The following SOBP variants were observed in gnomAD, a reference collection of about 807,000 sequenced individuals.
SOBP encodes sine oculis-binding protein homolog.
Under a neutral mutation model 53.6 loss-of-function variants are expected in SOBP, and 4 were observed. The ratio of observed to expected loss-of-function variants is 0.07; its 90% confidence interval spans 0.04 to 0.17. SOBP has a LOEUF of 0.17. SOBP is among the 10% of genes least tolerant of loss of function. The pLI is 1.00. For synonymous variants in SOBP, 584 were observed against 522.6 expected, an observed-to-expected ratio of 1.12 and a Z score of -1.60; for missense variants, 1,088 against 1,204.7, an observed-to-expected ratio of 0.90 and a Z score of 1.43.
chr6:107,558,775 A>G (rs1784692646), intron 4 of SOBP, among the ~76,000 whole-genome samples: 1 of 152,026 alleles, frequency 6.6e-6, no homozygotes, highest in South Asian at 2.1e-4. Context: ...AAGATACTAG[A>G]GAGATCAGAA....
Position 107,634,882 on chromosome 6 carries a change from C to T in SOBP, c.2038C>T (p.Arg680Cys), listed in dbSNP as rs1282604470. 7.5e-7 allele frequency: 1 copy of T among 1,337,826 alleles called. No homozygotes were observed. The highest frequency in any genetic ancestry group is 2.6e-5 in the Admixed American group (1 of 37,908). 82.9% of individuals were successfully genotyped at this position (1,337,826 alleles called of 1,614,324 possible). Residue 680 changes from arginine (R) to cysteine (C), a missense_variant, in exon 6 of 7, where the codon CGC becomes TGC. By Grantham distance (180) the Arg-to-Cys change is radical. This residue lies in a region of SOBP where 665 missense variants were observed against 629.7 expected (regional missense o/e 1.06). Coordinates refer to ENST00000317357, the MANE Select transcript of SOBP (RefSeq NM_018013.4). This position sits in a 1 kb window ranked among gnomAD's most constrained non-coding sequence, Gnocchi z 4.5. ...RALHAHVKAEREPSAAERRTC... is the reference protein window; with the variant it reads ...RALHAHVKAECEPSAAERRTC... ...GCTGCACGCGCACGTCAAGGCGGAG[C>T]GCGAGCCGAGCGCCGCGGAGCGCAG...
At chr6:107,587,976 A>G (rs1274622662) in intron 5 of SOBP, among the ~76,000 whole-genome samples, 1 of 152,210 alleles carries the variant, frequency 6.6e-6, no homozygotes, top group East Asian at 1.9e-4. Context: ...CCTTTTGAAA[A>G]TGAAGCTTTA....
At chr6:107,554,527 T>A (rs1244178328) in intron 4 of SOBP, among the ~76,000 whole-genome samples, 1 of 152,168 alleles carries the variant, frequency 6.6e-6, no homozygotes, top group Non-Finnish European at 1.5e-5. Flanking sequence ...AGTGTTCATC[T>A]CTAATGTGAA....
intron 4 of SOBP, among the ~76,000 whole-genome samples, chr6:107,554,707 A>G (rs1378351146): frequency 6.6e-6 from 1 of 152,216 alleles, no homozygotes; most frequent in East Asian, 1.9e-4. Context: ...TTGTCAAGGA[A>G]AAGCAACATT....
intron 4 of SOBP, among the ~76,000 whole-genome samples, chr6:107,584,817 C>CA (rs984508649): frequency 2.7e-5 from 4 of 150,034 alleles, no homozygotes; most frequent in East Asian, 2.0e-4. Context: ...CCTTTAAACA[C>CA]AAAAAAAACA....
Position 107,644,131 on chromosome 6 carries a change from T to C in SOBP, c.*3+8662T>C, listed in dbSNP as rs1268631305. 2.0e-5 allele frequency among the ~76,000 whole-genome samples: 3 copies of C among 152,142 alleles called. No individual in the cohort carries two copies. In the East Asian group the frequency reaches 5.8e-4, roughly 29 times the overall value. ...CAGCCTGGCCAACATGGGGAAACCC[T>C]GTCTCTACTAAAAATATAAAAAATT... On this transcript the variant is annotated intron_variant, in intron 6 of 6. Coordinates refer to ENST00000317357, the MANE Select transcript of SOBP (RefSeq NM_018013.4).
At chr6:107,616,086 G>GA (rs1786778967) in intron 5 of SOBP, among the ~76,000 whole-genome samples, 1 of 93,078 alleles carries the variant, frequency 1.1e-5, no homozygotes, top group Non-Finnish European at 2.2e-5. Flanking sequence ...AAGGGGGGTG[G>GA]GGGGGGGGCG....
At position 107,634,679 on chromosome 6, in the gene SOBP, C is replaced by T. The variant is rs1193417164; in HGVS notation, c.1835C>T (p.Pro612Leu). The change falls in exon 6 of 7, where the codon CCC becomes CTC. Residue 612 changes from proline to leucine, a missense_variant. This residue lies in a region of SOBP where 665 missense variants were observed against 629.7 expected (regional missense o/e 1.06). Transcript: ENST00000317357. The surrounding 1 kb of genome is among the most constrained non-coding windows in gnomAD (Gnocchi z 4.5). ...SGQALSLAPT[P>L]AEHGRSEVVD... ...CAGGCCCTGAGCCTGGCGCCCACGC[C>T]CGCCGAGCATGGCCGGAGCGAGGTG... 6.5e-7 allele frequency: 1 copy of T among 1,532,832 alleles called. No individual in the cohort carries two copies. The highest frequency in any genetic ancestry group is 1.2e-5 in the South Asian group (1 of 84,606). 95.0% of individuals were successfully genotyped at this position (1,532,832 alleles called of 1,614,324 possible). A position where few individuals can be genotyped will look rare whatever the true frequency, so the allele number is the denominator to read the frequency against.
rs981491979 is a variant in SOBP, at chr6:107,543,304, G to A, written c.573+9694G>A. The stretch of plus-strand genomic sequence containing the variant: ...TCATGGCAAGCTCCCCAGTGGTCAT[G>A]GGACAGCTGCTAGCAGCAATCAGGG... On this transcript the variant is annotated intron_variant, in intron 4 of 6. Coordinates refer to ENST00000317357, the MANE Select transcript of SOBP (RefSeq NM_018013.4). Among the ~76,000 whole-genome samples the A allele has an allele frequency of 4.6e-5, 7 of 152,136 alleles. No homozygotes were observed. In the South Asian group the frequency reaches 1.5e-3, roughly 32 times the overall value.
intron 3 of SOBP, among the ~76,000 whole-genome samples, chr6:107,525,990 C>T (rs1475870770): frequency 1.3e-5 from 2 of 151,934 alleles, no homozygotes; most frequent in Non-Finnish European, 2.9e-5. Flanking sequence ...TCTTGTTGCC[C>T]GGGCTGGAGT....
At chr6:107,557,243 T>C (rs550645661) in intron 4 of SOBP, among the ~76,000 whole-genome samples, 8 of 152,242 alleles carry the variant, frequency 5.3e-5, no homozygotes, top group Admixed American at 2.0e-4. Context: ...GAAATCAAGA[T>C]AAAAATGGAA....
intron 4 of SOBP, among the ~76,000 whole-genome samples, chr6:107,584,709 A>C (rs1413796868): frequency 6.6e-6 from 1 of 152,072 alleles, no homozygotes; most frequent in African/African-American, 2.4e-5. Context: ...TTCCACTGCT[A>C]CTTTATTTAA....
chr6:107,549,123 TG>T lies in SOBP; in HGVS notation c.573+15516del, dbSNP rs1247388797. 7.2e-5 allele frequency among the ~76,000 whole-genome samples: 11 copies of T among 151,760 alleles called. 1 individual carries two copies. Among genetic ancestry groups the T allele is most frequent in the Admixed American group, 6.6e-4 (10 of 15,238 alleles). ...CTACTAAAAATACAAAAAAATTAGC[TG>T]GGCATGATGGCAGGTGCCTGTAGTC... On this transcript the variant is annotated intron_variant, in intron 4 of 6. Transcript: ENST00000317357.
intron 4 of SOBP, among the ~76,000 whole-genome samples, chr6:107,562,761 C>A (rs1328682330): frequency 1.3e-5 from 2 of 151,722 alleles, no homozygotes; most frequent in Admixed American, 1.3e-4. Flanking sequence ...TAAAAAAAGT[C>A]TCAAAAAGGA....
intron 3 of SOBP, among the ~76,000 whole-genome samples, chr6:107,511,020 T>C (rs1034231416): frequency 5.3e-5 from 8 of 152,336 alleles, no homozygotes; most frequent in Non-Finnish European, 7.3e-5. Context: ...TGAAATTTAT[T>C]CACATTGATT....
At chr6:107,649,226 C>A (rs1411981858) in intron 6 of SOBP, among the ~76,000 whole-genome samples, 1 of 146,092 alleles carries the variant, frequency 6.8e-6, no homozygotes, top group East Asian at 2.0e-4. Context: ...GTAATCCCAG[C>A]ACTTTGCAAG....
chr6:107,585,795 A>T (rs1467120700), intron 4 of SOBP, among the ~76,000 whole-genome samples: 2 of 152,204 alleles, frequency 1.3e-5, no homozygotes, highest in African/African-American at 4.8e-5. Flanking sequence ...CAAGCAATAC[A>T]TTCTAAAATG....
intron 4 of SOBP, among the ~76,000 whole-genome samples, chr6:107,545,838 CTG>C (rs1048062401): frequency 6.6e-6 from 1 of 152,032 alleles, no homozygotes; most frequent in Non-Finnish European, 1.5e-5. Context: ...GATTTTAAAA[CTG>C]TGCTGAAAAT....
Position 107,634,739 on chromosome 6 carries a change from G to GC in SOBP, c.1901dup (p.Ala636ArgfsTer101). ...ACGCGGCGCGCCGGCAGCCCCCCGG[G>GC]CCCCCCGGGCGCGGGCGGCCAGCTC... On this transcript the variant is annotated frameshift_variant, in exon 6 of 7. Coordinates refer to ENST00000317357, the MANE Select transcript of SOBP (RefSeq NM_018013.4). LOFTEE classifies it high-confidence loss of function. The surrounding 1 kb of genome is among the most constrained non-coding windows in gnomAD (Gnocchi z 4.5). 7.5e-7 allele frequency: 1 copy of GC among 1,339,588 alleles called. No homozygotes were observed. The highest frequency in any genetic ancestry group is 9.5e-7 in the Non-Finnish European group (1 of 1,053,588). The allele number at this position is 1,339,588 out of a possible 1,614,324, so 83.0% of individuals were successfully genotyped here.
Sources: allele counts gnomAD v4.1 joint callset (sites outside exome capture counted in the v4.1 genomes callset), GRCh38; gene constraint gnomAD v4.1.1; regional missense constraint gnomAD v4.1.1; non-coding constraint Gnocchi (gnomAD v3.1); transcripts MANE v1.5; gene names NCBI Gene and HGNC (gene_info 2026-07-23, HGNC 2026-07-21).